Variants in ZMIZ1 observed in about 807,000 individuals in gnomAD.
ZMIZ1 encodes the protein zinc finger MIZ-type containing 1.
In ZMIZ1, 17 loss-of-function variants were observed where a neutral mutation model predicts 113.9. The ratio of observed to expected loss-of-function variants is 0.15; its 90% CI spans 0.10 to 0.22. The LOEUF (loss-of-function observed/expected upper bound fraction) is 0.22, where lower values mean the gene tolerates loss of function less well. Among genes scored for constraint, ZMIZ1 ranks in the 10% least tolerant of loss-of-function variants. The pLI is 1.00. For synonymous variants in ZMIZ1, 607 were observed against 603.1 expected (o/e 1.01, Z -0.09); for missense variants, 1,059 against 1,477.8 (o/e 0.72, Z 4.65).
At chr10:79,072,148 C>A (rs1449190052) in intron 1 of ZMIZ1, among the ~76,000 whole-genome samples, 1 of 152,090 alleles carries the variant, frequency 6.6e-6, no homozygotes, top group Non-Finnish European at 1.5e-5. Flanking sequence ...ACAAAATGTC[C>A]CTTTTCCCTC....
chr10:79,274,337 C>T lies in ZMIZ1; in HGVS notation c.281-2844C>T, dbSNP rs557387405. 4.6e-5 allele frequency among the ~76,000 whole-genome samples: 7 copies of T among 152,340 alleles called. No individual in the cohort carries two copies. The South Asian group carries it at 1.4e-3, about 32-fold the overall frequency. On this transcript the variant is annotated intron_variant, in intron 7 of 24. Coordinates refer to ENST00000334512, the MANE Select transcript of ZMIZ1 (RefSeq NM_020338.4). ...GTCAAAGAAGCATGCAGGCCAGCCC[C>T]GCCTAATTAGAGCAGACAGACTTCC...
chr10:79,152,127 T>C (rs2132455448), intron 3 of ZMIZ1, among the ~76,000 whole-genome samples: 1 of 152,312 alleles, frequency 6.6e-6, no homozygotes, highest in Non-Finnish European at 1.5e-5. Context: ...TCTGAGCCAA[T>C]TTCCCCCATT....
intron 4 of ZMIZ1, among the ~76,000 whole-genome samples, chr10:79,199,678 C>G (rs1300795353): frequency 6.7e-6 from 1 of 150,308 alleles, no homozygotes; most frequent in Non-Finnish European, 1.5e-5. Context: ...ATGAGACTCT[C>G]CAGAAGGGGG....
chr10:79,122,623 C>T (rs1449365593), intron 2 of ZMIZ1, among the ~76,000 whole-genome samples: 1 of 152,186 alleles, frequency 6.6e-6, no homozygotes, highest in African/African-American at 2.4e-5. Flanking sequence ...CTCTGTGATA[C>T]CTTCAGTAGC....
At position 79,201,454 on chromosome 10, in the gene ZMIZ1, G is replaced by C. The variant is rs575257808; in HGVS notation, c.-49-130G>C. ...CCCTCAGCCCAGTGGGGTACCCCAG[G>C]TGCAGCCCCACAGGGCCCAGCAAAG... On this transcript the variant is annotated intron_variant, in intron 4 of 24. Coordinates refer to ENST00000334512, the MANE Select transcript of ZMIZ1 (RefSeq NM_020338.4). The C allele has an allele frequency of 4.4e-6, 3 of 685,476 alleles. No homozygotes were observed. In the East Asian group the frequency reaches 7.8e-5, roughly 18 times the overall value. 42.5% of individuals were successfully genotyped at this position (685,476 alleles called of 1,614,324 possible).
chr10:79,151,870 G>T lies in ZMIZ1; in HGVS notation c.-130-10183G>T, dbSNP rs567635010. Among the ~76,000 whole-genome samples the T allele has an allele frequency of 1.9e-4, 29 of 152,316 alleles. 2 individuals are homozygous for T. In the South Asian group the frequency reaches 6.0e-3, roughly 32 times the overall value. Reference sequence around the variant, plus strand: ...TGGCGGTGGGTGGAGTCACGGGCTGGGTGGCCATGAGTCAGGAATTGCTGG... The same window carrying T: ...TGGCGGTGGGTGGAGTCACGGGCTGTGTGGCCATGAGTCAGGAATTGCTGG... On this transcript the variant is annotated intron_variant, in intron 3 of 24. Transcript: ENST00000334512.
intron 7 of ZMIZ1, among the ~76,000 whole-genome samples, chr10:79,243,092 C>G (rs547960892): frequency 4.3e-4 from 65 of 151,418 alleles, no homozygotes; most frequent in Non-Finnish European, 7.1e-4. Context: ...TTTCATCTTC[C>G]TCCCGCGCTC....
intron 1 of ZMIZ1, among the ~76,000 whole-genome samples, chr10:79,107,418 T>G (rs6480919): frequency 0.66 from 100,612 of 152,134 alleles, 33,258 homozygotes; most frequent in African/African-American, 0.7. Flanking sequence ...CTCTTGTGAG[T>G]ATTACTGGGT....
At chr10:79,259,901 C>T (rs1056553291) in intron 7 of ZMIZ1, among the ~76,000 whole-genome samples, 2 of 152,114 alleles carry the variant, frequency 1.3e-5, no homozygotes, top group South Asian at 2.1e-4. Context: ...TGTAAGCCAC[C>T]GCGCCCAGCC....
At chr10:79,254,433 A>G (rs1488682654) in intron 7 of ZMIZ1, among the ~76,000 whole-genome samples, 1 of 152,258 alleles carries the variant, frequency 6.6e-6, no homozygotes, top group Non-Finnish European at 1.5e-5. Context: ...GGGAAGCCCC[A>G]TAAGCCGGGC....
At chr10:79,140,065 T>C (rs1252832703) in intron 3 of ZMIZ1, among the ~76,000 whole-genome samples, 1 of 152,198 alleles carries the variant, frequency 6.6e-6, no homozygotes, top group Admixed American at 6.5e-5. Flanking sequence ...GAGTCAGTTG[T>C]GTCTGATTTG....
At chr10:79,283,705 A>G (rs1044698277) in intron 8 of ZMIZ1, among the ~76,000 whole-genome samples, 29 of 152,250 alleles carry the variant, frequency 1.9e-4, no homozygotes, top group African/African-American at 7.0e-4. Flanking sequence ...TCAGTTCCAG[A>G]TGGCCAAGAT....
chr10:79,281,837 C>T (rs1852759031), intron 8 of ZMIZ1, among the ~76,000 whole-genome samples: 1 of 152,164 alleles, frequency 6.6e-6, no homozygotes, highest in Non-Finnish European at 1.5e-5. Context: ...GAACACACAG[C>T]CAGTAAAGGG....
At chr10:79,212,116 C>T (rs1156908743) in intron 6 of ZMIZ1, among the ~76,000 whole-genome samples, 4 of 151,938 alleles carry the variant, frequency 2.6e-5, no homozygotes, top group Non-Finnish European at 4.4e-5. Flanking sequence ...TAATTCACCA[C>T]GTGACCTTAA....
intron 7 of ZMIZ1, among the ~76,000 whole-genome samples, chr10:79,268,420 G>A (rs751828513): frequency 1.3e-5 from 2 of 152,208 alleles, no homozygotes; most frequent in Non-Finnish European, 2.9e-5. Flanking sequence ...GGGAGCTGCT[G>A]GTAGGTTTAA....
chr10:79,310,000 C>A (rs748574400), intron 23 of ZMIZ1, among the ~76,000 whole-genome samples: 3 of 152,182 alleles, frequency 2.0e-5, no homozygotes, highest in Non-Finnish European at 4.4e-5. Context: ...AACAGGCTAG[C>A]AGGGGAATGT....
chr10:79,126,220 T>G (rs1029151305), intron 2 of ZMIZ1, among the ~76,000 whole-genome samples: 3 of 152,172 alleles, frequency 2.0e-5, no homozygotes, highest in African/African-American at 7.2e-5. Flanking sequence ...GGGCAACGCC[T>G]CAGAGTCAGG....
intron 3 of ZMIZ1, among the ~76,000 whole-genome samples, chr10:79,160,371 C>A (rs561069877): frequency 1.3e-4 from 20 of 152,330 alleles, no homozygotes; most frequent in African/African-American, 4.6e-4. Context: ...GTGTAGGGTT[C>A]CAGCACTCAT....
At chr10:79,247,709 G>C (rs1850293449) in intron 7 of ZMIZ1, among the ~76,000 whole-genome samples, 1 of 152,200 alleles carries the variant, frequency 6.6e-6, no homozygotes, top group South Asian at 2.1e-4. Context: ...TGGAGAACAG[G>C]GGATTTAGCC....
Sources: allele counts gnomAD v4.1 joint callset (sites outside exome capture counted in the v4.1 genomes callset), GRCh38; gene constraint gnomAD v4.1.1; transcripts MANE v1.5; gene names NCBI Gene and HGNC (gene_info 2026-07-23, HGNC 2026-07-21).